Variants in SGCD observed in about 807,000 individuals in gnomAD.
The protein encoded by SGCD is delta-sarcoglycan.
SGCD carries 18 observed loss-of-function variants against 36.6 expected under a neutral mutation model. The ratio of observed to expected loss-of-function variants is 0.49; its 90% CI spans 0.34 to 0.73. The LOEUF (loss-of-function observed/expected upper bound fraction) is 0.73, where lower values mean the gene tolerates loss of function less well. SGCD is among the 30% of genes least tolerant of loss of function. The pLI, the probability that SGCD is intolerant of heterozygous loss-of-function variation, is 0.01. For missense variants in SGCD, 387 were observed against 346.7 expected, an observed-to-expected ratio of 1.12 and a Z score of -0.92; for synonymous variants, 133 against 130.6, an observed-to-expected ratio of 1.02 and a Z score of -0.12.
chr5:155,865,711 T>C (rs1755510270), upstream of SGCD, among the ~76,000 whole-genome samples: 1 of 152,208 alleles, frequency 6.6e-6, no homozygotes, highest in Non-Finnish European at 1.5e-5. Context: ...CATTTCATTA[T>C]ATAATATATG....
At chr5:156,015,238 A>T (rs1431312819) in intron 1 of SGCD, among the ~76,000 whole-genome samples, 3 of 152,114 alleles carry the variant, frequency 2.0e-5, no homozygotes, top group Non-Finnish European at 4.4e-5. Context: ...ATATCCATTT[A>T]TATTCAGTAT....
At chr5:156,273,865 G>A (rs933589376) in intron 3 of SGCD, among the ~76,000 whole-genome samples, 1 of 152,112 alleles carries the variant, frequency 6.6e-6, no homozygotes. Flanking sequence ...ACCCTTGTAC[G>A]GTTGTCATGT....
In SGCD at chr5:156,760,167, C is replaced by T. The variant is rs1159406131; in HGVS notation, c.*777C>T. ...ACAAAATAAGATAACAGCTGTTCCT[C>T]AGTGAGCTGGAAGCTACTTAATGGC... On this transcript the variant is annotated 3_prime_UTR_variant, in exon 9 of 9. Coordinates refer to ENST00000337851, the MANE Select transcript of SGCD (RefSeq NM_000337.6). 6.6e-6 allele frequency: 1 copy of T among 152,194 alleles called. No homozygotes were observed. The highest frequency in any genetic ancestry group is 1.5e-5 in the Non-Finnish European group (1 of 68,054). 9.4% of individuals were successfully genotyped at this position (152,194 alleles called of 1,614,324 possible).
At chr5:155,829,770 T>G in the SGCD span, among the ~76,000 whole-genome samples, 1 of 151,978 alleles carries the variant, frequency 6.6e-6, no homozygotes, top group Non-Finnish European at 1.5e-5. Context: ...AAGTGTAGAT[T>G]ACATGTAACC....
intron 3 of SGCD, among the ~76,000 whole-genome samples, chr5:156,476,842 A>G (rs1253668927): frequency 1.3e-5 from 2 of 152,040 alleles, no homozygotes; most frequent in Non-Finnish European, 2.9e-5. Flanking sequence ...TGAAAAATAC[A>G]CCTCCAGTCT....
the SGCD span, among the ~76,000 whole-genome samples, chr5:155,738,404 G>A: frequency 9.2e-5 from 14 of 152,238 alleles, no homozygotes; most frequent in Admixed American, 9.2e-4. Flanking sequence ...TGGACAAAAA[G>A]CATGTTTTTC....
chr5:156,167,939 A>G (rs886432394), intron 3 of SGCD, among the ~76,000 whole-genome samples: 41 of 152,200 alleles, frequency 2.7e-4, no homozygotes, highest in African/African-American at 9.6e-4. Flanking sequence ...TCAGGGAGGC[A>G]ATAAGGTGGA....
At position 155,922,604 on chromosome 5, in the gene SGCD, T is replaced by G. The variant is rs150767721; in HGVS notation, c.-282+52180T>G. Among the ~76,000 whole-genome samples, 156 of 152,290 alleles carry G rather than the reference T, an allele frequency of 1.0e-3. 1 individual carries two copies. The highest frequency in any genetic ancestry group is 3.7e-3 in the African/African-American group (152 of 41,562). On this transcript the variant is annotated intron_variant, in intron 1 of 9. Coordinates refer to the SGCD transcript ENST00000517913. Reference sequence around the variant, plus strand: ...GAAAGTTCAAAGGAATTTTGCAGTTTATGAAGTTATATTTGGTCAATATTT... The same window carrying G: ...GAAAGTTCAAAGGAATTTTGCAGTTGATGAAGTTATATTTGGTCAATATTT...
chr5:156,200,454 A>G (rs1303044097), intron 3 of SGCD, among the ~76,000 whole-genome samples: 3 of 152,176 alleles, frequency 2.0e-5, no homozygotes, highest in Non-Finnish European at 4.4e-5. Context: ...GGAAAACTGG[A>G]TATACACATG....
intron 3 of SGCD, among the ~76,000 whole-genome samples, chr5:156,397,459 C>G (rs1771920550): frequency 6.6e-6 from 1 of 152,192 alleles, no homozygotes; most frequent in African/African-American, 2.4e-5. Context: ...ACTTTTTCCT[C>G]TCCGTTCTAG....
At chr5:156,549,303 C>T (rs1351202298) in intron 4 of SGCD, among the ~76,000 whole-genome samples, 3 of 152,266 alleles carry the variant, frequency 2.0e-5, no homozygotes, top group East Asian at 3.9e-4. Context: ...GCAGGATGAG[C>T]TCACGTTGTC....
At chr5:156,124,488 T>C (rs982379602) in intron 3 of SGCD, among the ~76,000 whole-genome samples, 8 of 152,212 alleles carry the variant, frequency 5.3e-5, no homozygotes, top group Non-Finnish European at 8.8e-5. Flanking sequence ...TTTGTATTTA[T>C]TTTATATCCA....
At chr5:155,835,443 T>C in the SGCD span, among the ~76,000 whole-genome samples, 1 of 152,192 alleles carries the variant, frequency 6.6e-6, no homozygotes, top group Non-Finnish European at 1.5e-5. Flanking sequence ...TAAATCCTAC[T>C]GTGTTCCCCC....
At chr5:155,833,053 C>CAAAAAAAAAAAAA in the SGCD span, among the ~76,000 whole-genome samples, 5 of 90,328 alleles carry the variant, frequency 5.5e-5, no homozygotes, top group Admixed American at 1.5e-4. Flanking sequence ...ACTAAAAATA[C>CAAAAAAAAAAAAA]GAAAAAAAAA....
intron 3 of SGCD, among the ~76,000 whole-genome samples, chr5:156,496,222 C>A (rs1045645873): frequency 1.3e-5 from 2 of 152,066 alleles, no homozygotes; most frequent in African/African-American, 2.4e-5. Context: ...GAAACAGATT[C>A]AAATAGGACA....
the SGCD span, among the ~76,000 whole-genome samples, chr5:155,810,383 G>T: frequency 6.6e-6 from 1 of 152,100 alleles, no homozygotes; most frequent in Non-Finnish European, 1.5e-5. Context: ...TAAAACAAAA[G>T]CTTTGCAAGA....
chr5:156,547,279 C>T (rs907198545), intron 4 of SGCD, among the ~76,000 whole-genome samples: 1 of 152,042 alleles, frequency 6.6e-6, no homozygotes, highest in Non-Finnish European at 1.5e-5. Context: ...TCCATAGCAC[C>T]CCTGCCCCCT....
At chr5:156,395,018 A>G (rs1771773828) in intron 3 of SGCD, among the ~76,000 whole-genome samples, 1 of 152,144 alleles carries the variant, frequency 6.6e-6, no homozygotes, top group Non-Finnish European at 1.5e-5. Flanking sequence ...TCCTTAATTT[A>G]CTGAATGACA....
At chr5:156,235,313 A>T (rs1163692301) in intron 3 of SGCD, among the ~76,000 whole-genome samples, 1 of 152,240 alleles carries the variant, frequency 6.6e-6, no homozygotes, top group Non-Finnish European at 1.5e-5. Context: ...CTGTTGAATC[A>T]TGTGACTTTG....
Sources: allele counts gnomAD v4.1 joint callset (sites outside exome capture counted in the v4.1 genomes callset), GRCh38; gene constraint gnomAD v4.1.1; transcripts MANE v1.5; gene names NCBI Gene and HGNC (gene_info 2026-07-23, HGNC 2026-07-21).